LTBP1: variants seen among roughly 807,000 people sequenced by gnomAD.
LTBP1 encodes latent-transforming growth factor beta-binding protein 1.
A neutral mutation model predicts 207.6 loss-of-function variants in LTBP1; 129 were observed. The observed-to-expected ratio is 0.62, with a 90% CI of 0.54 to 0.72. LTBP1 has a LOEUF of 0.72. Among genes scored for constraint, LTBP1 ranks in the 30% least tolerant of loss-of-function variants. The pLI, the probability that LTBP1 is intolerant of heterozygous loss-of-function variation, is 0.00. For synonymous variants in LTBP1, 963 were observed against 833.7 expected (o/e 1.16, Z -2.67); for missense variants, 2,281 against 2,217.2 (o/e 1.03, Z -0.58).
chr2:33,219,382 C>T (rs534522055), intron 8 of LTBP1, among the ~76,000 whole-genome samples: 1 of 152,102 alleles, frequency 6.6e-6, no homozygotes, highest in Non-Finnish European at 1.5e-5. Flanking sequence ...GCAACCTGAC[C>T]AAAGGGATAG....
intron 28 of LTBP1, among the ~76,000 whole-genome samples, 190 bp from the exon 29 acceptor site, chr2:33,363,200 A>T (rs1048908751): frequency 6.6e-6 from 1 of 152,176 alleles, no homozygotes; most frequent in Non-Finnish European, 1.5e-5. Flanking sequence ...CAGACAAACT[A>T]CATCTGTTTA....
chr2:33,203,135 C>G (rs915252949), intron 7 of LTBP1, among the ~76,000 whole-genome samples: 15 of 152,232 alleles, frequency 9.9e-5, no homozygotes, highest in Admixed American at 3.9e-4. Flanking sequence ...CCTGCGTCAA[C>G]AGCTGAAGGT....
intron 9 of LTBP1, among the ~76,000 whole-genome samples, chr2:33,241,050 A>G (rs2092305245): frequency 6.6e-6 from 1 of 152,216 alleles, no homozygotes; most frequent in Admixed American, 6.5e-5. Context: ...TCTAGTGTAT[A>G]TACGTTAAAT....
chr2:33,373,409 A>G (rs2095094934), intron 31 of LTBP1, among the ~76,000 whole-genome samples: 1 of 152,206 alleles, frequency 6.6e-6, no homozygotes, highest in Admixed American at 6.5e-5. Flanking sequence ...TGAAAGAGCA[A>G]ATGGATTTTG....
intron 5 of LTBP1, among the ~76,000 whole-genome samples, chr2:33,140,922 G>C (rs10445910): frequency 6.6e-6 from 1 of 152,048 alleles, no homozygotes; most frequent in Non-Finnish European, 1.5e-5. Context: ...ACCCACCTCA[G>C]CCTCCCAAAG....
intron 15 of LTBP1, among the ~76,000 whole-genome samples, chr2:33,263,678 G>T (rs1250709274): frequency 1.3e-5 from 2 of 152,198 alleles, no homozygotes; most frequent in African/African-American, 2.4e-5. Context: ...TACAGGCTGG[G>T]TGCGGTGGCT....
chr2:33,311,740 GT>G (rs550941508), intron 23 of LTBP1, among the ~76,000 whole-genome samples: 205 of 152,192 alleles, frequency 1.3e-3, no homozygotes, highest in African/African-American at 4.7e-3. Context: ...AACTAATTTA[GT>G]TATCTGATTC....
Position 33,347,072 on chromosome 2 carries a change from C to G in LTBP1, c.3857-295C>G, listed in dbSNP as rs147364875. On this transcript the variant is annotated intron_variant, in intron 25 of 33. Coordinates refer to ENST00000404816, the MANE Select transcript of LTBP1 (RefSeq NM_206943.4). ...GGCAGAGCTTGCAGTGAGCCGAGAT[C>G]GCGCCTCTGCACTCCAGCCTGGGCG... is the stretch of plus-strand genomic sequence containing the variant. Among the ~76,000 whole-genome samples the G allele has an allele frequency of 7.9e-3, 1,162 of 146,236 alleles. 21 individuals are homozygous for G. Among genetic ancestry groups the G allele is most frequent in the Admixed American group, 0.042 (607 of 14,404 alleles).
intron 4 of LTBP1, among the ~76,000 whole-genome samples, chr2:33,111,959 GC>G (rs1243585428): frequency 2.2e-4 from 33 of 152,124 alleles, no homozygotes; most frequent in African/African-American, 7.7e-4. Flanking sequence ...TACTTAAAGA[GC>G]CGTTTCTCTT....
Position 33,105,393 on chromosome 2 carries a change from G to A in LTBP1, c.864-5189G>A, listed in dbSNP as rs562053636. On this transcript the variant is annotated intron_variant, in intron 3 of 33. Coordinates refer to ENST00000404816, the MANE Select transcript of LTBP1 (RefSeq NM_206943.4). ...AAAATGTAAAAATACCTTACTGCTC[G>A]AAAATGCTAATGATCATCTGAGACT... Among the ~76,000 whole-genome samples, 23 of 150,818 alleles carry A rather than the reference G, an allele frequency of 1.5e-4. 1 individual carries two copies. In the South Asian group the frequency reaches 4.0e-3, roughly 26 times the overall value.
At chr2:32,949,089 C>T in intron 2 of LTBP1, 144 bp downstream of exon 2, 1 of 741,818 alleles carries the variant, frequency 1.3e-6, no homozygotes, top group Non-Finnish European at 2.3e-6. Context: ...TCATTACCAC[C>T]TAGGAAGGGC....
chr2:33,022,265 C>CTTTTTTTTTTTTTTTTTTTTTTTTTTTT (rs3047211), intron 3 of LTBP1, among the ~76,000 whole-genome samples: 2 of 125,236 alleles, frequency 1.6e-5, no homozygotes. Flanking sequence ...CCTCAATCCT[C>CTTTTTTTTTTTTTTTTTTTTTTTTTTTT]TTTTTTTTTT....
intron 31 of LTBP1, among the ~76,000 whole-genome samples, chr2:33,368,245 G>A (rs1265554266): frequency 1.3e-5 from 2 of 151,994 alleles, no homozygotes; most frequent in African/African-American, 4.8e-5. Context: ...ATTTAAATTA[G>A]TACAGCCTTT....
intron 5 of LTBP1, among the ~76,000 whole-genome samples, chr2:33,165,665 G>A (rs1395732450): frequency 6.6e-6 from 1 of 152,078 alleles, no homozygotes; most frequent in African/African-American, 2.4e-5. Context: ...AACTCTCTGT[G>A]GAAAAGGTGA....
chr2:33,017,742 G>A (rs901354800), intron 2 of LTBP1, among the ~76,000 whole-genome samples: 1 of 152,106 alleles, frequency 6.6e-6, no homozygotes, highest in Non-Finnish European at 1.5e-5. Flanking sequence ...TCAGCCTCCC[G>A]AGTAGCTGGG....
In LTBP1 at chr2:33,188,722, A is replaced by G. The variant is rs1428582000; in HGVS notation, c.1572A>G (p.Gln524=). The change falls in exon 7 of 34, where the codon CAA becomes CAG. Residue 524 remains glutamine (Q), a synonymous_variant. Transcript: ENST00000404816. ...CAGGCCAATCCCAAGTCTCGTACCAAGGGCTTCCTGTCCAGAAGACCCAGA... is the reference window on the plus strand; with the variant it reads ...CAGGCCAATCCCAAGTCTCGTACCAGGGGCTTCCTGTCCAGAAGACCCAGA... ...AQPGQSQVSY[Q]GLPVQKTQTI... 3.1e-6 allele frequency: 5 copies of G among 1,614,146 alleles called. No homozygotes were observed. The highest frequency in any genetic ancestry group is 4.2e-6 in the Non-Finnish European group (5 of 1,180,032).
At chr2:33,217,745 T>C (rs973673235) in intron 8 of LTBP1, 91 bp downstream of exon 8, 3 of 893,692 alleles carry the variant, frequency 3.4e-6, no homozygotes, top group African/African-American at 3.3e-5. Flanking sequence ...TATTAGACTT[T>C]CAAAGAACTC....
At position 33,216,239 on chromosome 2, in the gene LTBP1, A is replaced by G. The variant is rs1176812994; in HGVS notation, c.1702-1313A>G. On this transcript the variant is annotated intron_variant, in intron 7 of 33. Coordinates refer to ENST00000404816, the MANE Select transcript of LTBP1 (RefSeq NM_206943.4). Reference sequence around the variant, plus strand: ...TGCTGTGGGGTAAAAAGGAGGGAGGAACTCATTGGAATTAAGGAGATAGGG... The same window carrying G: ...TGCTGTGGGGTAAAAAGGAGGGAGGGACTCATTGGAATTAAGGAGATAGGG... 2.0e-5 allele frequency among the ~76,000 whole-genome samples: 3 copies of G among 152,156 alleles called. No homozygotes were observed. In the East Asian group the frequency reaches 5.8e-4, roughly 29 times the overall value.
At chr2:33,118,363 G>GA (rs1434511512) in intron 4 of LTBP1, among the ~76,000 whole-genome samples, 4 of 152,198 alleles carry the variant, frequency 2.6e-5, no homozygotes, top group Non-Finnish European at 5.9e-5. Context: ...TATTAGGTGT[G>GA]AAAACAAACT....
Sources: gnomAD v4.1 joint callset for allele counts (sites outside exome capture counted in the v4.1 genomes callset) on GRCh38, gnomAD v4.1.1 for gene constraint, MANE v1.5 for transcripts, NCBI Gene and HGNC (gene_info 2026-07-23, HGNC 2026-07-21) for gene names.